DLG2: variants seen among roughly 807,000 people sequenced by gnomAD.
DLG2 encodes the protein discs large MAGUK scaffold protein 2.
In DLG2, 45 loss-of-function variants were observed where a neutral mutation model predicts 132.5. That is an observed-to-expected ratio of 0.34 (90% CI 0.27 to 0.44). DLG2 has a LOEUF of 0.44. DLG2 is among the 20% of genes least tolerant of loss of function. DLG2 has a pLI of 1.00. For missense variants in DLG2, 1,045 were observed against 1,196.9 expected (o/e 0.87, Z 1.87); for synonymous variants, 424 against 419.6 (o/e 1.01, Z -0.13).
intron 6 of DLG2, among the ~76,000 whole-genome samples, chr11:84,813,884 A>G (rs2038990639): frequency 6.6e-6 from 1 of 152,038 alleles, no homozygotes; most frequent in South Asian, 2.1e-4. Flanking sequence ...CTCTCACTGG[A>G]AAGAGACTAA....
chr11:84,220,728 G>C (rs1451503141), intron 8 of DLG2, among the ~76,000 whole-genome samples: 2 of 147,972 alleles, frequency 1.4e-5, no homozygotes, highest in Non-Finnish European at 3.0e-5. Context: ...ATATGACTAA[G>C]AATTTATAAG....
chr11:84,333,067 C>T (rs1327599937), intron 7 of DLG2, among the ~76,000 whole-genome samples: 2 of 152,196 alleles, frequency 1.3e-5, no homozygotes, highest in African/African-American at 4.8e-5. Context: ...TTCAGACATC[C>T]TCATGACTTT....
intron 18 of DLG2, among the ~76,000 whole-genome samples, chr11:83,759,523 T>C (rs1265998341): frequency 1.3e-5 from 2 of 152,178 alleles, no homozygotes; most frequent in Admixed American, 6.5e-5. Context: ...GCTGTTTTTA[T>C]TGATTTTTTT....
chr11:85,082,052 A>T (rs953604478), intron 6 of DLG2, among the ~76,000 whole-genome samples: 6 of 152,016 alleles, frequency 3.9e-5, no homozygotes, highest in East Asian at 1.9e-4. Flanking sequence ...TTAACCATTT[A>T]AAAAAAATGG....
At chr11:83,743,361 C>A (rs1448856843) in intron 18 of DLG2, among the ~76,000 whole-genome samples, 1 of 150,928 alleles carries the variant, frequency 6.6e-6, no homozygotes, top group Non-Finnish European at 1.5e-5. Flanking sequence ...ATGCCCTAAG[C>A]ACCCTACTTT....
intron 6 of DLG2, among the ~76,000 whole-genome samples, chr11:84,878,482 C>T (rs540025005): frequency 5.9e-5 from 9 of 152,074 alleles, no homozygotes; most frequent in African/African-American, 1.4e-4. Context: ...TTCATGTTCT[C>T]ACTCATAAGT....
intron 3 of DLG2, among the ~76,000 whole-genome samples, chr11:85,466,370 C>T (rs957744660): frequency 7.2e-5 from 11 of 152,162 alleles, no homozygotes; most frequent in African/African-American, 1.9e-4. Flanking sequence ...GTGTTTTAGA[C>T]ATGAAGTCCT....
intron 3 of DLG2, among the ~76,000 whole-genome samples, chr11:85,344,841 AACTTCATT>A (rs771130973): frequency 3.9e-5 from 6 of 152,056 alleles, no homozygotes; most frequent in Non-Finnish European, 5.9e-5. Flanking sequence ...TTTTTTTTCA[AACTTCATT>A]ACTTCATTAC....
chr11:84,317,524 T>C (rs764976514), intron 7 of DLG2, among the ~76,000 whole-genome samples: 7 of 152,302 alleles, frequency 4.6e-5, no homozygotes, highest in African/African-American at 7.2e-5. Flanking sequence ...CATTCCGGCT[T>C]TTCCCTTTCC....
At chr11:85,034,637 G>C (rs904580052) in intron 6 of DLG2, among the ~76,000 whole-genome samples, 1 of 152,116 alleles carries the variant, frequency 6.6e-6, no homozygotes, top group African/African-American at 2.4e-5. Context: ...GTCTAGGCTT[G>C]AGCAAGCAGG....
chr11:84,463,372 G>T (rs753954837), intron 7 of DLG2, among the ~76,000 whole-genome samples: 6 of 151,056 alleles, frequency 4.0e-5, no homozygotes, highest in Non-Finnish European at 8.9e-5. Context: ...TTGAAGAGTG[G>T]GAGAAAGGAG....
At chr11:85,413,708 A>C (rs2089553730) in intron 3 of DLG2, among the ~76,000 whole-genome samples, 1 of 151,496 alleles carries the variant, frequency 6.6e-6, no homozygotes. Context: ...ACGATCAGTT[A>C]GCTGTATTTC....
intron 3 of DLG2, among the ~76,000 whole-genome samples, chr11:85,485,084 C>T (rs60018750): frequency 0.024 from 3,604 of 152,048 alleles, 134 homozygotes; most frequent in African/African-American, 0.081. Flanking sequence ...CCATCATTCT[C>T]AGCAAACTAT....
chr11:85,509,026 A>G (rs954092038), intron 3 of DLG2, among the ~76,000 whole-genome samples: 1 of 152,114 alleles, frequency 6.6e-6, no homozygotes, highest in East Asian at 1.9e-4. Context: ...CCTAAATCAC[A>G]AGAGTGAATA....
intron 9 of DLG2, among the ~76,000 whole-genome samples, chr11:84,123,096 A>C (rs2094003956): frequency 6.6e-6 from 1 of 152,202 alleles, no homozygotes. Context: ...AAAAAAAGTG[A>C]GTTTAAAAGT....
At chr11:85,293,690 C>T (rs762215896) in intron 3 of DLG2, among the ~76,000 whole-genome samples, 5 of 152,004 alleles carry the variant, frequency 3.3e-5, no homozygotes, top group African/African-American at 7.2e-5. Flanking sequence ...TTAAATGCAA[C>T]GGGTAATGTA....
intron 3 of DLG2, among the ~76,000 whole-genome samples, chr11:85,488,691 T>C (rs1404925157): frequency 1.3e-5 from 2 of 152,164 alleles, no homozygotes; most frequent in Admixed American, 6.5e-5. Flanking sequence ...CAGAAGAGAA[T>C]GGAATGACAT....
chr11:84,080,563 G>T (rs1224454265), intron 10 of DLG2, among the ~76,000 whole-genome samples: 2 of 152,292 alleles, frequency 1.3e-5, no homozygotes, highest in South Asian at 4.1e-4. Context: ...TTATTATTAT[G>T]ATGATGTATA....
intron 22 of DLG2, among the ~76,000 whole-genome samples, chr11:83,483,521 C>T (rs2093292955): frequency 6.6e-6 from 1 of 152,026 alleles, no homozygotes; most frequent in South Asian, 2.1e-4. Context: ...AAGGTTTAAA[C>T]AAAAGATTGT....
Sources: allele counts gnomAD v4.1 joint callset (sites outside exome capture counted in the v4.1 genomes callset), GRCh38; gene constraint gnomAD v4.1.1; transcripts MANE v1.5; gene names NCBI Gene and HGNC (gene_info 2026-07-23, HGNC 2026-07-21).